Variants in NCOA4 observed in about 807,000 individuals in gnomAD.
The protein encoded by NCOA4 is 70 kDa AR-activator.
In NCOA4, 31 loss-of-function variants were observed where a neutral mutation model predicts 69.5. The observed-to-expected ratio is 0.45, with a 90% CI of 0.34 to 0.60. NCOA4 has a LOEUF of 0.60. Among genes scored for constraint, NCOA4 ranks in the 20% least tolerant of loss-of-function variants. The pLI is 0.02. For missense variants in NCOA4, 600 were observed against 719.2 expected, an observed-to-expected ratio of 0.83 and a Z score of 1.90; for synonymous variants, 228 against 252.4, an observed-to-expected ratio of 0.90 and a Z score of 0.92.
intron 1 of NCOA4, among the ~76,000 whole-genome samples, chr10:46,024,620 G>A (rs914636116): frequency 1.3e-5 from 2 of 152,186 alleles, no homozygotes; most frequent in South Asian, 2.1e-4. Context: ...TAAGGAGAAA[G>A]AAAATCACAA....
intron 7 of NCOA4, among the ~76,000 whole-genome samples, chr10:46,012,102 A>AAAAAAAAAAAAAAT (rs1839266035): frequency 7.1e-6 from 1 of 140,796 alleles, no homozygotes; most frequent in Non-Finnish European, 1.6e-5. Flanking sequence ...AAAAAAAAAA[A>AAAAAAAAAAAAAAT]ACGAAAAAAG....
intron 1 of NCOA4, among the ~76,000 whole-genome samples, chr10:46,021,431 A>G (rs1238594362): frequency 2.6e-5 from 4 of 152,246 alleles, no homozygotes; most frequent in Non-Finnish European, 4.4e-5. Flanking sequence ...ATTTGGGTTT[A>G]GAACTACAGT....
chr10:46,016,956 T>C (rs1470982253), intron 1 of NCOA4, among the ~76,000 whole-genome samples: 1 of 152,212 alleles, frequency 6.6e-6, no homozygotes, highest in Non-Finnish European at 1.5e-5. Context: ...AATACACTAA[T>C]TGTCCTGAAT....
Position 46,010,956 on chromosome 10 carries a change from C to T in NCOA4, c.965G>A (p.Arg322His), listed in dbSNP as rs1194398712. The change falls in exon 8 of 10, where the codon CGT (arginine) becomes CAT (histidine). Residue 322 changes from arginine (R) to histidine (H), a missense_variant. Transcript: ENST00000581486. The part of the protein sequence containing the change: ...HKLRKPENGS[R>H]ETSEKFKLLF... Reference sequence around the variant, plus strand: ...GAGCTTAAACTTCTCACTGGTTTCACGACTGCCATTCTCAGGCTTCCGCAG... The same window carrying T: ...GAGCTTAAACTTCTCACTGGTTTCATGACTGCCATTCTCAGGCTTCCGCAG... The T allele has an allele frequency of 4.3e-6, 7 of 1,613,974 alleles. No homozygotes were observed. Among genetic ancestry groups the T allele is most frequent in the South Asian group, 1.1e-5 (1 of 91,068 alleles).
At position 46,006,421 on chromosome 10, in the gene NCOA4, C is replaced by T. The variant is rs1219400588; in HGVS notation, c.*171G>A. Reference sequence around the variant, plus strand: ...GAATAAACAGCATTTTTCTTTTAAACAGTAACTCATAATCTGATGACTCAC... The same window carrying T: ...GAATAAACAGCATTTTTCTTTTAAATAGTAACTCATAATCTGATGACTCAC... On this transcript the variant is annotated 3_prime_UTR_variant, in exon 10 of 10. Coordinates refer to ENST00000581486, the MANE Select transcript of NCOA4 (RefSeq NM_001145263.2). 23 of 677,030 alleles carry T rather than the reference C, an allele frequency of 3.4e-5. No homozygotes were observed. Among genetic ancestry groups the T allele is most frequent in the Non-Finnish European group, 5.8e-5 (22 of 377,890 alleles). The allele number at this position is 677,030 out of a possible 1,614,324, so 41.9% of individuals were successfully genotyped here.
At chr10:46,013,400 G>T in intron 6 of NCOA4, 150 bp downstream of exon 6, 1 of 616,470 alleles carries the variant, frequency 1.6e-6, no homozygotes, top group Non-Finnish European at 2.8e-6. Flanking sequence ...TTTGGCATTA[G>T]GTCTCAAGGG....
At chr10:46,013,521 CA>C in intron 6 of NCOA4, 28 bp downstream of exon 6, 1 of 1,513,476 alleles carries the variant, frequency 6.6e-7, no homozygotes, top group Non-Finnish European at 9.1e-7. Flanking sequence ...AGTAATGACT[CA>C]ATTACCAAAA....
chr10:46,027,040 C>A (rs1235038067), intron 1 of NCOA4, among the ~76,000 whole-genome samples: 2 of 152,068 alleles, frequency 1.3e-5, no homozygotes, highest in African/African-American at 4.8e-5. Flanking sequence ...CCGAGGCGGG[C>A]GGATCACGAG....
At chr10:46,029,933 A>G (rs568245931) in intron 1 of NCOA4, among the ~76,000 whole-genome samples, 1 of 152,224 alleles carries the variant, frequency 6.6e-6, no homozygotes, top group African/African-American at 2.4e-5. Flanking sequence ...TCTCAGCTGT[A>G]AAACAGAGAT....
chr10:46,025,999 T>C, intron 1 of NCOA4, among the ~76,000 whole-genome samples: 1 of 152,332 alleles, frequency 6.6e-6, no homozygotes, highest in East Asian at 1.9e-4. Context: ...TCCCTGGCAA[T>C]TGTACAATGC....
chr10:46,009,846 C>T (rs1590151195), intron 8 of NCOA4, among the ~76,000 whole-genome samples: 1 of 152,106 alleles, frequency 6.6e-6, no homozygotes, highest in Admixed American at 6.5e-5. Context: ...TCTGGCTGGC[C>T]GGTTTGCAAG....
rs1838748766 is a variant in NCOA4, at chr10:46,005,286, T to C, written c.*1306A>G. On this transcript the variant is annotated 3_prime_UTR_variant, in exon 10 of 10. Transcript: ENST00000581486. ...TTACATTGTTTTTGCCCACCACCTT[T>C]ATATAATACTCCTAAATGATATCTG... is the stretch of plus-strand genomic sequence containing the variant. 4.7e-6 allele frequency: 1 copy of C among 214,258 alleles called. No homozygotes were observed. The highest frequency in any genetic ancestry group is 2.3e-5 in the African/African-American group (1 of 44,326). The allele number at this position is 214,258 out of a possible 1,614,324, so 13.3% of individuals were successfully genotyped here. A position where few individuals can be genotyped will look rare whatever the true frequency, so the allele number is the denominator to read the frequency against.
In NCOA4 at chr10:46,012,288, T is replaced by A. The variant is rs1195014705; in HGVS notation, c.714+595A>T. Among the ~76,000 whole-genome samples, 3 of 152,102 alleles carry A rather than the reference T, an allele frequency of 2.0e-5. No individual in the cohort carries two copies. In the South Asian group the frequency reaches 6.2e-4, roughly 32 times the overall value. ...GTTGGCAACTTCCTGGGAAGCCAAATTGGCAATATGTATCCAAAGTCTTAA... is the reference window on the plus strand; with the variant it reads ...GTTGGCAACTTCCTGGGAAGCCAAAATGGCAATATGTATCCAAAGTCTTAA... On this transcript the variant is annotated intron_variant, in intron 7 of 9. Transcript: ENST00000581486.
intron 1 of NCOA4, among the ~76,000 whole-genome samples, chr10:46,017,477 C>G (rs144825315): frequency 6.6e-6 from 1 of 152,154 alleles, no homozygotes; most frequent in African/African-American, 2.4e-5. Flanking sequence ...CCCAGGAGTT[C>G]GCAGCTGCAG....
chr10:46,023,502 G>C lies in NCOA4; in HGVS notation c.-14-6808C>G, dbSNP rs190192819. On this transcript the variant is annotated intron_variant, in intron 1 of 9. Coordinates refer to ENST00000581486, the MANE Select transcript of NCOA4 (RefSeq NM_001145263.2). ...CTGGAGCGCTCAAGCCAAGGGCGGG[G>C]AGGAGCGGAAAACTCCGCCCATTGT... The C allele has an allele frequency of 1.5e-3, 1,472 of 985,556 alleles. 7 individuals are homozygous for C. In the East Asian group the frequency reaches 0.019, roughly 13 times the overall value. 61.1% of individuals were successfully genotyped at this position (985,556 alleles called of 1,614,324 possible).
chr10:46,021,274 C>T (rs1437782069), intron 1 of NCOA4, among the ~76,000 whole-genome samples: 2 of 152,158 alleles, frequency 1.3e-5, no homozygotes, highest in African/African-American at 4.8e-5. Context: ...AATAGCTCCT[C>T]ACAAGCCTCT....
chr10:46,021,355 A>G (rs1297358977), intron 1 of NCOA4, among the ~76,000 whole-genome samples: 11 of 152,196 alleles, frequency 7.2e-5, no homozygotes, highest in African/African-American at 2.7e-4. Context: ...CATTCTACAT[A>G]TGAAGCCACA....
chr10:46,021,734 C>T (rs1367935960), intron 1 of NCOA4, among the ~76,000 whole-genome samples: 2 of 152,058 alleles, frequency 1.3e-5, no homozygotes, highest in Non-Finnish European at 2.9e-5. Flanking sequence ...CCAAGGTGGG[C>T]GGATCACCTG....
intron 9 of NCOA4, among the ~76,000 whole-genome samples, chr10:46,007,997 C>T (rs781938889): frequency 1.2e-4 from 19 of 152,180 alleles, no homozygotes; most frequent in Admixed American, 3.3e-4. Flanking sequence ...TGGATGACAG[C>T]GCACCTGTTC....
Sources: gnomAD v4.1 joint callset for allele counts (sites outside exome capture counted in the v4.1 genomes callset) on GRCh38, gnomAD v4.1.1 for gene constraint, MANE v1.5 for transcripts, NCBI Gene and HGNC (gene_info 2026-07-23, HGNC 2026-07-21) for gene names.